VIRMA: variants seen among roughly 807,000 people sequenced by gnomAD.
VIRMA encodes the protein vir like m6A methyltransferase associated, also known as protein virilizer homolog.
VIRMA carries 65 observed loss-of-function variants against 182.4 expected under a neutral mutation model. The ratio of observed to expected loss-of-function variants is 0.36; its 90% confidence interval spans 0.29 to 0.44. The LOEUF is 0.44. Ranked by LOEUF, VIRMA falls within the 20% of genes least tolerant of loss-of-function variation. The pLI, the probability that VIRMA is intolerant of heterozygous loss-of-function variation, is 1.00. For missense variants in VIRMA, 1,752 were observed against 2,158.1 expected, an observed-to-expected ratio of 0.81 and a Z score of 3.73; for synonymous variants, 709 against 743.1, an observed-to-expected ratio of 0.95 and a Z score of 0.75.
rs1813564238 is a variant in VIRMA, at chr8:94,490,182, A to T, written c.5141-100T>A. The T allele has an allele frequency of 2.2e-6, 3 of 1,360,202 alleles. 1 individual carries two copies. Among genetic ancestry groups the T allele is most frequent in the Admixed American group, 4.7e-5 (2 of 42,982 alleles). The allele number at this position is 1,360,202 out of a possible 1,614,324, so 84.3% of individuals were successfully genotyped here. A position where few individuals can be genotyped will look rare whatever the true frequency, so the allele number is the denominator to read the frequency against. ...TTAATCTTCAAAAGAATGGAAAAGA[A>T]ACTGAAATTCTGCAAACTGACTGTA... On this transcript the variant is annotated intron_variant, in intron 22 of 23. Coordinates refer to ENST00000297591, the MANE Select transcript of VIRMA (RefSeq NM_015496.5).
In VIRMA at chr8:94,488,627, T is replaced by C; in HGVS notation, c.*79A>G. The C allele has an allele frequency of 7.2e-7, 1 of 1,393,974 alleles. No homozygotes were observed. The highest frequency in any genetic ancestry group is 1.4e-5 in the African/African-American group (1 of 71,078). 86.4% of individuals were successfully genotyped at this position (1,393,974 alleles called of 1,614,324 possible). A position where few individuals can be genotyped will look rare whatever the true frequency, so the allele number is the denominator to read the frequency against. The stretch of plus-strand genomic sequence containing the variant: ...GATGTCTCCAGATAACTGCTAAGTC[T>C]AAATTGGTCCTTCAATGTCTTATTT... On this transcript the variant is annotated 3_prime_UTR_variant, in exon 24 of 24. Transcript: ENST00000297591.
At chr8:94,540,468 T>A (rs1039968096) in intron 2 of VIRMA, among the ~76,000 whole-genome samples, 43 of 147,088 alleles carry the variant, frequency 2.9e-4, no homozygotes, top group Non-Finnish European at 5.1e-4. Flanking sequence ...TTTCTTTTTT[T>A]TTTTTTTTTT....
intron 23 of VIRMA, 41 bp from the exon 24 acceptor site, chr8:94,488,901 T>G: frequency 6.3e-7 from 1 of 1,591,254 alleles, no homozygotes; most frequent in Non-Finnish European, 8.6e-7. Context: ...CAATGTCCTT[T>G]CTTTTCCAAG....
At chr8:94,511,027 G>A in intron 13 of VIRMA, 158 bp downstream of exon 13, 1 of 1,416,698 alleles carries the variant, frequency 7.1e-7, no homozygotes, top group Non-Finnish European at 9.2e-7. Context: ...TTTCCTCAAT[G>A]ACCAACTTGT....
chr8:94,519,526 A>G, intron 8 of VIRMA, 50 bp from the exon 9 acceptor site: 1 of 1,499,304 alleles, frequency 6.7e-7, no homozygotes, highest in Non-Finnish European at 8.9e-7. Context: ...AGCATTCTTC[A>G]TTTACTCAAT....
At chr8:94,536,403 T>C (rs1815343608) in intron 4 of VIRMA, among the ~76,000 whole-genome samples, 1 of 152,230 alleles carries the variant, frequency 6.6e-6, no homozygotes, top group Admixed American at 6.5e-5. Context: ...GCTTCCAGCA[T>C]GGCATCTGGC....
intron 8 of VIRMA, among the ~76,000 whole-genome samples, chr8:94,522,884 T>C (rs978729811): frequency 1.3e-5 from 2 of 152,178 alleles, no homozygotes; most frequent in African/African-American, 4.8e-5. Flanking sequence ...CTCCAAAATA[T>C]TCAATACCTT....
intron 19 of VIRMA, among the ~76,000 whole-genome samples, chr8:94,495,383 C>T (rs1813735965): frequency 6.6e-6 from 1 of 151,582 alleles, no homozygotes; most frequent in Non-Finnish European, 1.5e-5. Flanking sequence ...AAAGTAGTAC[C>T]TAAAAAAGAA....
chr8:94,514,071 TTATA>T (rs1814464139), intron 11 of VIRMA, among the ~76,000 whole-genome samples: 1 of 143,280 alleles, frequency 7.0e-6, no homozygotes, highest in South Asian at 2.3e-4. Context: ...CCAAGATGGC[TTATA>T]TACTCTCTCT....
chr8:94,510,758 T>C (rs1814339636), intron 13 of VIRMA, 106 bp from the exon 14 acceptor site: 8 of 839,938 alleles, frequency 9.5e-6, no homozygotes, highest in Non-Finnish European at 1.5e-5. Flanking sequence ...TTTTACTGCA[T>C]GCTTAAAACA....
At position 94,530,947 on chromosome 8, in the gene VIRMA, C is replaced by T. The variant is rs7834315; in HGVS notation, c.607+16G>A. ...TTAACTAGGGGGGAAAACCTTAGCA[C>T]TGGTTTTATTTATACCTGGCAGAGG... On this transcript the variant is annotated intron_variant, in intron 6 of 23. Coordinates refer to ENST00000297591, the MANE Select transcript of VIRMA (RefSeq NM_015496.5). The T allele has an allele frequency of 5.3e-3, 8,408 of 1,596,386 alleles. 387 individuals are homozygous for T. In the African/African-American group the frequency reaches 0.1, roughly 19 times the overall value.
Position 94,519,278 on chromosome 8 carries a change from A to T in VIRMA, c.2220T>A (p.Asp740Glu). 1 of 1,614,088 alleles carries T rather than the reference A, an allele frequency of 6.2e-7. No homozygotes were observed. The highest frequency in any genetic ancestry group is 8.5e-7 in the Non-Finnish European group (1 of 1,180,004). ...LLIRALCHFYDQDEEEGLQSD... is the reference protein window; with the variant it reads ...LLIRALCHFYEQDEEEGLQSD... ...ATTGGAGACCTTCCTCCTCATCTTG[A>T]TCATAAAAGTGACACAGAGCTCGGA... The change falls in exon 9 of 24, where the codon GAT becomes GAA. Residue 740 changes from aspartate to glutamate, a missense_variant. Physicochemically the swap from Asp to Glu is conservative, Grantham distance 45 (BLOSUM62 2). Coordinates refer to ENST00000297591, the MANE Select transcript of VIRMA (RefSeq NM_015496.5).
chr8:94,539,624 A>C (rs1264635575), intron 2 of VIRMA, among the ~76,000 whole-genome samples: 1 of 152,192 alleles, frequency 6.6e-6, no homozygotes, highest in African/African-American at 2.4e-5. Context: ...TAGAAGCACA[A>C]ACAGGCATCA....
chr8:94,551,293 T>A (rs757328342), intron 1 of VIRMA, among the ~76,000 whole-genome samples: 3 of 152,226 alleles, frequency 2.0e-5, no homozygotes, highest in Non-Finnish European at 4.4e-5. Context: ...CTTTTATTTA[T>A]ACCCACAAAG....
At position 94,506,688 on chromosome 8, in the gene VIRMA, A is replaced by G. The variant is rs752446486; in HGVS notation, c.3909T>C (p.Ser1303=). 1 of 1,613,896 alleles carries G rather than the reference A, an allele frequency of 6.2e-7. No homozygotes were observed. The highest frequency in any genetic ancestry group is 8.5e-7 in the Non-Finnish European group (1 of 1,179,892). ...GCTCCAGTTCAGAAATAGAACCTTC[A>G]GAAGAGCTTGGTAAGATAAGTGCAA... is the stretch of plus-strand genomic sequence containing the variant. The part of the protein sequence containing the change: ...QDIALILPSS[S]EGSISELEQL... The change falls in exon 16 of 24, where the codon TCT becomes TCC. Residue 1303 remains serine (S), a synonymous_variant. Transcript: ENST00000297591.
intron 18 of VIRMA, 75 bp downstream of exon 18, chr8:94,496,253 C>T: frequency 8.1e-7 from 1 of 1,235,114 alleles, no homozygotes; most frequent in Non-Finnish European, 1.1e-6. Context: ...TAAAAAAGGT[C>T]ACTACGAAAT....
chr8:94,551,186 T>C (rs1191500672), intron 1 of VIRMA, among the ~76,000 whole-genome samples: 2 of 152,222 alleles, frequency 1.3e-5, no homozygotes, highest in Non-Finnish European at 2.9e-5. Context: ...ATTGCCCCTT[T>C]CACCAAAGAC....
intron 21 of VIRMA, 121 bp from the exon 22 acceptor site, chr8:94,492,030 G>T: frequency 3.0e-6 from 2 of 675,018 alleles, no homozygotes; most frequent in Non-Finnish European, 4.8e-6. Context: ...AACTTTGCAA[G>T]TATCTATCAT....
chr8:94,530,903 CA>C, intron 6 of VIRMA, 59 bp downstream of exon 6: 1 of 1,557,468 alleles, frequency 6.4e-7, no homozygotes, highest in Admixed American at 1.9e-5. Context: ...CATCTCAAAA[CA>C]AAAACAAAAA....
Sources: gnomAD v4.1 joint callset for allele counts (sites outside exome capture counted in the v4.1 genomes callset) on GRCh38, gnomAD v4.1.1 for gene constraint, MANE v1.5 for transcripts, NCBI Gene and HGNC (gene_info 2026-07-23, HGNC 2026-07-21) for gene names.